The following NXPE2 variants were observed in gnomAD, a reference collection of about 807,000 sequenced individuals.
NXPE2 encodes NXPE family member 2.
NXPE2 carries 34 observed loss-of-function variants against 34.4 expected under a neutral mutation model. That is an observed-to-expected ratio of 0.99 (90% CI 0.75 to 1.31). The LOEUF (loss-of-function observed/expected upper bound fraction) is 1.31. Ranked by LOEUF, NXPE2 falls within the 40% of genes most tolerant of loss-of-function variation. The probability of loss-of-function intolerance (pLI) is 0.00; values close to 1 mark genes in which losing one functional copy is unlikely to be tolerated. For missense variants in NXPE2, 649 were observed against 672.5 expected (o/e 0.97, Z 0.39); for synonymous variants, 235 against 231.3 (o/e 1.02, Z -0.15).
chr11:114,730,154 T>C, the NXPE2 span, among the ~76,000 whole-genome samples: 1 of 152,152 alleles, frequency 6.6e-6, no homozygotes, highest in African/African-American at 2.4e-5. Flanking sequence ...ATTTATTAAA[T>C]AGGGAGTCTT....
At chr11:114,575,347 T>C in the NXPE2 span, among the ~76,000 whole-genome samples, 1 of 151,920 alleles carries the variant, frequency 6.6e-6, no homozygotes, top group Non-Finnish European at 1.5e-5. Context: ...GCTAAAGCAA[T>C]CAGACAAAAG....
chr11:114,622,528 C>T, the NXPE2 span, among the ~76,000 whole-genome samples: 3 of 152,106 alleles, frequency 2.0e-5, no homozygotes, highest in African/African-American at 7.2e-5. Context: ...CATGGGTAAC[C>T]ACTGTTACCC....
the NXPE2 span, among the ~76,000 whole-genome samples, chr11:114,543,081 C>T: frequency 6.6e-6 from 1 of 152,052 alleles, no homozygotes; most frequent in Non-Finnish European, 1.5e-5. Context: ...TATGGCAAGA[C>T]TGTCTCTACA....
chr11:114,683,209 G>C (rs1300414596), intron 2 of NXPE2, among the ~76,000 whole-genome samples: 1 of 151,950 alleles, frequency 6.6e-6, no homozygotes, highest in Non-Finnish European at 1.5e-5. Flanking sequence ...TTCATGACTT[G>C]CTTGGACTTT....
the NXPE2 span, among the ~76,000 whole-genome samples, chr11:114,639,853 T>C: frequency 1.1e-5 from 1 of 91,528 alleles, no homozygotes; most frequent in Non-Finnish European, 1.9e-5. Flanking sequence ...TAAAATATAA[T>C]ATATATTATA....
chr11:114,758,369 A>G, the NXPE2 span, among the ~76,000 whole-genome samples: 1 of 152,226 alleles, frequency 6.6e-6, no homozygotes, highest in Non-Finnish European at 1.5e-5. Flanking sequence ...TTCTCTTCAA[A>G]TGTTCATTCG....
the NXPE2 span, among the ~76,000 whole-genome samples, chr11:114,516,524 A>G: frequency 6.6e-6 from 1 of 152,154 alleles, no homozygotes; most frequent in East Asian, 1.9e-4. Context: ...CCTGGGATAG[A>G]TTGAATTCTG....
rs565428819 is a variant in NXPE2, at chr11:114,698,806, G to T, written c.866+28G>T. 76 of 1,457,962 alleles carry T rather than the reference G, an allele frequency of 5.2e-5. No homozygotes were observed. The South Asian group carries it at 1.0e-3, about 20-fold the overall frequency. The allele number at this position is 1,457,962 out of a possible 1,614,324, so 90.3% of individuals were successfully genotyped here. A position where few individuals can be genotyped will look rare whatever the true frequency, so the allele number is the denominator to read the frequency against. The stretch of plus-strand genomic sequence containing the variant: ...AAAGAGGCTTTTAAATACAATAGCA[G>T]ATAAAAAGAGGTATCCGACCAAACT... On this transcript the variant is annotated intron_variant, in intron 3 of 5. Coordinates refer to ENST00000389586, the MANE Select transcript of NXPE2 (RefSeq NM_182495.6).
chr11:114,519,960 C>CA, the NXPE2 span, among the ~76,000 whole-genome samples: 2 of 149,172 alleles, frequency 1.3e-5, no homozygotes, highest in African/African-American at 5.1e-5. Context: ...GGTGCCATCT[C>CA]GGCGAGCTTG....
At chr11:114,710,271 A>T (rs1859588501), downstream of NXPE2, among the ~76,000 whole-genome samples, 1 of 152,204 alleles carries the variant, frequency 6.6e-6, no homozygotes, top group Non-Finnish European at 1.5e-5. Context: ...AAAGGAAATA[A>T]AGTAAACATA....
chr11:114,493,647 G>T, the NXPE2 span, among the ~76,000 whole-genome samples: 4 of 151,650 alleles, frequency 2.6e-5, no homozygotes, highest in Non-Finnish European at 5.9e-5. Flanking sequence ...TTAACTTTTT[G>T]TTTTTATTTA....
At chr11:114,528,652 G>A in the NXPE2 span, 1 of 448,480 alleles carries the variant, frequency 2.2e-6, no homozygotes. Context: ...TCCAATTGAT[G>A]AAAGATCACT....
At chr11:114,736,716 T>C in the NXPE2 span, among the ~76,000 whole-genome samples, 3 of 152,152 alleles carry the variant, frequency 2.0e-5, no homozygotes, top group African/African-American at 7.2e-5. Flanking sequence ...ACAAGGGTAT[T>C]GATTGGGGAA....
the NXPE2 span, among the ~76,000 whole-genome samples, chr11:114,716,541 T>A: frequency 2.6e-5 from 4 of 152,224 alleles, no homozygotes; most frequent in Non-Finnish European, 5.9e-5. Flanking sequence ...TGGTGGGACC[T>A]GGGCAGAGAA....
chr11:114,636,594 G>T, the NXPE2 span, among the ~76,000 whole-genome samples: 3 of 151,696 alleles, frequency 2.0e-5, no homozygotes, highest in Non-Finnish European at 2.9e-5. Flanking sequence ...TCTCTTGTGG[G>T]CATTTAGTGC....
chr11:114,638,433 G>C, the NXPE2 span, among the ~76,000 whole-genome samples: 1 of 151,904 alleles, frequency 6.6e-6, no homozygotes, highest in African/African-American at 2.4e-5. Flanking sequence ...GCTCAGAGTA[G>C]TTTGATTGTC....
chr11:114,562,516 C>T, the NXPE2 span, among the ~76,000 whole-genome samples: 8 of 152,180 alleles, frequency 5.3e-5, no homozygotes, highest in African/African-American at 1.7e-4. Flanking sequence ...ACATATTTCT[C>T]ATCAGGATAT....
the NXPE2 span, among the ~76,000 whole-genome samples, chr11:114,605,335 A>G: frequency 6.6e-6 from 1 of 151,232 alleles, no homozygotes; most frequent in African/African-American, 2.4e-5. Context: ...GATAATAAGT[A>G]TTGCCTCGTG....
chr11:114,499,439 G>A, the NXPE2 span, among the ~76,000 whole-genome samples: 2 of 151,776 alleles, frequency 1.3e-5, no homozygotes, highest in Non-Finnish European at 2.9e-5. Flanking sequence ...TTTTAAAAAT[G>A]AATATATTTA....
Sources: gnomAD v4.1 joint callset for allele counts (sites outside exome capture counted in the v4.1 genomes callset) on GRCh38, gnomAD v4.1.1 for gene constraint, MANE v1.5 for transcripts, NCBI Gene and HGNC (gene_info 2026-07-23, HGNC 2026-07-21) for gene names.